The following MTAP variants were observed in gnomAD, a reference collection of about 807,000 sequenced individuals.
MTAP encodes the protein S-methyl-5'-thioadenosine phosphorylase.
MTAP carries 33 observed loss-of-function variants against 33.6 expected under a neutral mutation model. The ratio of observed to expected loss-of-function variants is 0.98; its 90% CI spans 0.74 to 1.31. The LOEUF is 1.31. Among genes scored for constraint, MTAP ranks in the 40% most tolerant of loss-of-function variants. The pLI, the probability that MTAP is intolerant of heterozygous loss-of-function variation, is 0.00. For missense variants in MTAP, 367 were observed against 360.0 expected (o/e 1.02, Z -0.16); for synonymous variants, 148 against 125.7 (o/e 1.18, Z -1.19).
At chr9:21,802,990 A>ACACACACACG in intron 1 of MTAP, 1 of 495,576 alleles carries the variant, frequency 2.0e-6, no homozygotes, top group Non-Finnish European at 2.7e-6. Flanking sequence ...CCGCCAACAC[A>ACACACACACG]CACACACACA....
At chr9:21,897,596 C>G (rs1395416337) in intron 1 of MTAP, among the ~76,000 whole-genome samples, 1 of 152,158 alleles carries the variant, frequency 6.6e-6, no homozygotes, top group South Asian at 2.1e-4. Flanking sequence ...AACAGACAAA[C>G]AGAGAGCCAA....
At chr9:21,895,391 C>G (rs913384529) in intron 1 of MTAP, among the ~76,000 whole-genome samples, 10 of 152,218 alleles carry the variant, frequency 6.6e-5, no homozygotes, top group African/African-American at 2.4e-4. Context: ...CAGCTCCAGT[C>G]TGCAGCTTCC....
At chr9:21,873,029 C>T (rs1825958761) in intron 1 of MTAP, among the ~76,000 whole-genome samples, 1 of 152,072 alleles carries the variant, frequency 6.6e-6, no homozygotes, top group South Asian at 2.1e-4. Flanking sequence ...TTACTAGAGC[C>T]CTCTTCCTAT....
chr9:21,938,385 G>C (rs1301772020), downstream of MTAP, among the ~76,000 whole-genome samples: 1 of 151,700 alleles, frequency 6.6e-6, no homozygotes, highest in African/African-American at 2.4e-5. Context: ...GCTGCAGTGA[G>C]CCATGATTAT....
intron 5 of MTAP, among the ~76,000 whole-genome samples, chr9:21,851,033 A>T (rs996922485): frequency 6.6e-6 from 1 of 152,212 alleles, no homozygotes; most frequent in Non-Finnish European, 1.5e-5. Context: ...CAATGGAAGT[A>T]AAGAAGAGTA....
intron 1 of MTAP, among the ~76,000 whole-genome samples, chr9:21,889,947 T>C (rs1324933702): frequency 6.6e-6 from 1 of 152,150 alleles, no homozygotes; most frequent in Non-Finnish European, 1.5e-5. Context: ...AAGCTTGCCC[T>C]AAAATTGCCC....
intron 4 of MTAP, among the ~76,000 whole-genome samples, chr9:21,832,659 G>A (rs1014229525): frequency 2.0e-5 from 3 of 152,086 alleles, no homozygotes; most frequent in African/African-American, 7.2e-5. Flanking sequence ...CCTGGATGAG[G>A]TTCATTCTTA....
At chr9:21,931,491 G>A (rs554934710), downstream of MTAP, 1 of 256,340 alleles carries the variant, frequency 3.9e-6, no homozygotes, top group East Asian at 8.0e-5. Context: ...AGATAGAAAA[G>A]TCCTGAAGCT....
chr9:21,906,887 GA>G (rs1161045852), intron 1 of MTAP, among the ~76,000 whole-genome samples: 1 of 151,972 alleles, frequency 6.6e-6, no homozygotes, highest in African/African-American at 2.4e-5. Context: ...TTTTTGCCAA[GA>G]AAAAAGATGG....
At chr9:21,833,074 A>T (rs1425580658) in intron 4 of MTAP, among the ~76,000 whole-genome samples, 1 of 152,180 alleles carries the variant, frequency 6.6e-6, no homozygotes, top group Admixed American at 6.5e-5. Context: ...CTTGACTGGG[A>T]TATAAACATC....
intron 1 of MTAP, among the ~76,000 whole-genome samples, chr9:21,808,505 C>G (rs1003526236): frequency 1.1e-4 from 16 of 151,036 alleles, no homozygotes; most frequent in Non-Finnish European, 1.8e-4. Flanking sequence ...AGGAGGGTCA[C>G]TTGAACCCAG....
At chr9:21,813,029 C>T (rs1824389128) in intron 1 of MTAP, among the ~76,000 whole-genome samples, 1 of 152,176 alleles carries the variant, frequency 6.6e-6, no homozygotes, top group South Asian at 2.1e-4. Flanking sequence ...ACATGTAAGT[C>T]CACAGACACA....
intron 4 of MTAP, among the ~76,000 whole-genome samples, chr9:21,825,760 G>C (rs1824779601): frequency 6.6e-6 from 1 of 152,314 alleles, no homozygotes; most frequent in African/African-American, 2.4e-5. Context: ...AGAATCGCTT[G>C]AGCCTGGGAG....
chr9:21,817,571 C>G (rs1429833962), intron 3 of MTAP, among the ~76,000 whole-genome samples: 1 of 152,018 alleles, frequency 6.6e-6, no homozygotes, highest in East Asian at 2.0e-4. Context: ...ACAGGCTGTT[C>G]ACTTGACTGC....
intron 5 of MTAP, among the ~76,000 whole-genome samples, chr9:21,849,333 G>A (rs1825457315): frequency 6.6e-6 from 1 of 152,180 alleles, no homozygotes; most frequent in Non-Finnish European, 1.5e-5. Flanking sequence ...CACTGGCTCT[G>A]AGCTGATGTT....
intron 4 of MTAP, among the ~76,000 whole-genome samples, chr9:21,828,096 G>A (rs754164715): frequency 2.0e-5 from 3 of 152,200 alleles, no homozygotes; most frequent in Non-Finnish European, 4.4e-5. Context: ...AGAAGATGGA[G>A]ACTAGAAAGA....
chr9:21,937,228 A>G (rs904713144), exon 8 of MTAP: 1 of 152,276 alleles, frequency 6.6e-6, no homozygotes, highest in Non-Finnish European at 1.5e-5. Context: ...AGTCCCAGCT[A>G]CTAGGGAGGC....
At chr9:21,810,835 G>C (rs1824327890) in intron 1 of MTAP, among the ~76,000 whole-genome samples, 1 of 152,154 alleles carries the variant, frequency 6.6e-6, no homozygotes, top group Non-Finnish European at 1.5e-5. Flanking sequence ...TACAGAGGGG[G>C]TGTCTTGTCA....
intron 1 of MTAP, among the ~76,000 whole-genome samples, chr9:21,894,732 A>G (rs1296896777): frequency 6.6e-6 from 1 of 151,894 alleles, no homozygotes; most frequent in African/African-American, 2.4e-5. Flanking sequence ...GTACCCTAGA[A>G]CTCAAAGTGT....
Sources: gnomAD v4.1 joint callset for allele counts (sites outside exome capture counted in the v4.1 genomes callset) on GRCh38, gnomAD v4.1.1 for gene constraint, MANE v1.5 for transcripts, NCBI Gene and HGNC (gene_info 2026-07-23, HGNC 2026-07-21) for gene names.